Variants in SIK2 observed in about 807,000 individuals in gnomAD.
SIK2 encodes the protein salt inducible kinase 2.
In SIK2, 29 loss-of-function variants were observed where a neutral mutation model predicts 103.2. The observed-to-expected ratio is 0.28, with a 90% confidence interval of 0.21 to 0.38. SIK2 has a LOEUF of 0.38. SIK2 is among the 10% of genes least tolerant of loss of function. The pLI, the probability that SIK2 is intolerant of heterozygous loss-of-function variation, is 1.00. For missense variants in SIK2, 879 were observed against 1,171.0 expected, an observed-to-expected ratio of 0.75 and a Z score of 3.64; for synonymous variants, 412 against 446.1, an observed-to-expected ratio of 0.92 and a Z score of 0.96.
At chr11:111,718,457 C>T (rs890031510) in intron 9 of SIK2, among the ~76,000 whole-genome samples, 1 of 152,220 alleles carries the variant, frequency 6.6e-6, no homozygotes, top group Non-Finnish European at 1.5e-5. Flanking sequence ...GCATTTACCA[C>T]TCTTCCTCTT....
chr11:111,721,088 A>G (rs532077328), intron 12 of SIK2, 26 bp downstream of exon 12: 16 of 1,597,018 alleles, frequency 1.0e-5, no homozygotes, highest in African/African-American at 2.7e-5. Flanking sequence ...CCTTCCCTCA[A>G]TGGCTCTGTG....
In SIK2 at chr11:111,725,680, C is replaced by T. The variant is rs946278550; in HGVS notation, c.*1551C>T. The T allele has an allele frequency of 3.3e-5, 5 of 152,670 alleles. No homozygotes were observed. The highest frequency in any genetic ancestry group is 7.3e-5 in the Non-Finnish European group (5 of 68,050). The allele number at this position is 152,670 out of a possible 1,614,324, so 9.5% of individuals were successfully genotyped here. On this transcript the variant is annotated 3_prime_UTR_variant, in exon 15 of 15. Coordinates refer to ENST00000304987, the MANE Select transcript of SIK2 (RefSeq NM_015191.3). The stretch of plus-strand genomic sequence containing the variant: ...TAACTGATGCTGCATCTAGAAAACA[C>T]CTTTAAGTTGCCTTTCCTCTTTGTA...
chr11:111,723,907 C>A lies in SIK2; in HGVS notation c.2559C>A (p.Ser853Arg). Residue 853 changes from serine to arginine, a missense_variant, in exon 15 of 15, where the codon AGC becomes AGA. Physicochemically the swap from Ser to Arg is moderately radical, Grantham distance 110 (BLOSUM62 -1). Around this residue, in one of 7 missense-constraint regions of SIK2, gnomAD observed 375 missense variants for 416.3 expected, o/e 0.90. Coordinates refer to ENST00000304987, the MANE Select transcript of SIK2 (RefSeq NM_015191.3). ...QFSYQTCELP[S>R]AASPAPDYPT... ...CCTATCAGACTTGTGAGCTGCCAAG[C>A]GCTGCTTCCCCTGCGCCAGACTATC... is the stretch of plus-strand genomic sequence containing the variant. The A allele has an allele frequency of 6.2e-7, 1 of 1,613,646 alleles. No homozygotes were observed. Among genetic ancestry groups the A allele is most frequent in the African/African-American group, 1.3e-5 (1 of 75,006 alleles).
At chr11:111,604,408 A>AT (rs1250295366) in intron 1 of SIK2, among the ~76,000 whole-genome samples, 2 of 152,188 alleles carry the variant, frequency 1.3e-5, no homozygotes, top group South Asian at 2.1e-4. Flanking sequence ...AGTTCTTAAT[A>AT]TTTTTTTCTC....
chr11:111,670,533 C>A (rs1942610965), intron 3 of SIK2, among the ~76,000 whole-genome samples: 1 of 152,030 alleles, frequency 6.6e-6, no homozygotes, highest in South Asian at 2.1e-4. Context: ...TAATGGTCCG[C>A]AAAATATTTG....
At chr11:111,707,316 G>T (rs1943376764) in intron 8 of SIK2, among the ~76,000 whole-genome samples, 2 of 152,148 alleles carry the variant, frequency 1.3e-5, no homozygotes, top group African/African-American at 4.8e-5. Flanking sequence ...TATTGTACAC[G>T]ATATCCTTTC....
Position 111,689,899 on chromosome 11 carries a change from A to AT in SIK2, c.478+1747dup, listed in dbSNP as rs372740657. ...TGGATTTTCCATTCTATAGTCTGTGATTTTTTTTTTCTAATGGGATTGCCT... is the reference window on the plus strand; with the variant it reads ...TGGATTTTCCATTCTATAGTCTGTGATTTTTTTTTTTCTAATGGGATTGCCT... On this transcript the variant is annotated intron_variant, in intron 4 of 14. Coordinates refer to ENST00000304987, the MANE Select transcript of SIK2 (RefSeq NM_015191.3). 2.1e-4 allele frequency among the ~76,000 whole-genome samples: 31 copies of AT among 148,354 alleles called. No homozygotes were observed. The South Asian group carries it at 2.1e-3, about 10-fold the overall frequency.
intron 9 of SIK2, among the ~76,000 whole-genome samples, chr11:111,717,918 G>C (rs972715875): frequency 5.9e-5 from 9 of 152,116 alleles, no homozygotes; most frequent in Non-Finnish European, 1.2e-4. Flanking sequence ...GGGCCTGTTA[G>C]GGGGGCAATG....
chr11:111,680,526 A>G (rs538001599), intron 3 of SIK2, among the ~76,000 whole-genome samples: 1 of 152,366 alleles, frequency 6.6e-6, no homozygotes, highest in East Asian at 1.9e-4. Flanking sequence ...ACATAATATT[A>G]AATATTTAAT....
intron 9 of SIK2, among the ~76,000 whole-genome samples, chr11:111,715,546 G>A (rs2135956997): frequency 6.6e-6 from 1 of 152,198 alleles, no homozygotes; most frequent in Non-Finnish European, 1.5e-5. Flanking sequence ...AAATCCCTTG[G>A]GGAGTCTGAA....
At chr11:111,644,337 C>T (rs956398811) in intron 3 of SIK2, among the ~76,000 whole-genome samples, 4 of 150,416 alleles carry the variant, frequency 2.7e-5, no homozygotes, top group East Asian at 3.9e-4. Context: ...AAGAGAAATC[C>T]GAAATCCTTA....
chr11:111,611,488 A>G (rs1941725915), intron 1 of SIK2, among the ~76,000 whole-genome samples: 2 of 152,164 alleles, frequency 1.3e-5, no homozygotes, highest in African/African-American at 4.8e-5. Flanking sequence ...CTTTATAAAT[A>G]TAATAAGTGA....
At chr11:111,718,867 GGTAAATAATTACCTCCTC>G (rs1943720068) in intron 9 of SIK2, 1 of 152,222 alleles carries the variant, frequency 6.6e-6, no homozygotes, top group Admixed American at 6.5e-5. Flanking sequence ...AAGGTAATGA[GGTAAATAATTACCTCCTC>G]ACAGGGGCCT....
intron 3 of SIK2, among the ~76,000 whole-genome samples, chr11:111,654,978 C>T (rs1376608399): frequency 6.6e-6 from 1 of 152,164 alleles, no homozygotes. Flanking sequence ...TTTCAGAATA[C>T]ATTACAATCA....
chr11:111,648,828 G>C (rs554890921), intron 3 of SIK2, among the ~76,000 whole-genome samples: 24 of 151,892 alleles, frequency 1.6e-4, no homozygotes, highest in Non-Finnish European at 3.4e-4. Context: ...GGAAAAAATA[G>C]GTACTGTATT....
chr11:111,622,726 C>T (rs1038156268), intron 3 of SIK2, among the ~76,000 whole-genome samples: 5 of 151,872 alleles, frequency 3.3e-5, no homozygotes, highest in Non-Finnish European at 5.9e-5. Flanking sequence ...AAATATGTTG[C>T]TTCACTGTCT....
In SIK2 at chr11:111,683,147, C is replaced by T. The variant is rs574110424; in HGVS notation, c.317-4854C>T. The T allele has an allele frequency of 3.9e-5, 6 of 153,904 alleles. No individual in the cohort carries two copies. The East Asian group carries it at 1.2e-3, about 30-fold the overall frequency. 9.5% of individuals were successfully genotyped at this position (153,904 alleles called of 1,614,324 possible). On this transcript the variant is annotated intron_variant, in intron 3 of 14. Coordinates refer to ENST00000304987, the MANE Select transcript of SIK2 (RefSeq NM_015191.3). ...CTATCTGGCTGTGACATCTGTCACC[C>T]CACTGATCGCCAGGGTTGATTTGGC...
rs535296638 is a variant in SIK2, at chr11:111,637,100, G to A, written c.316+16698G>A. Among the ~76,000 whole-genome samples, 4 of 151,922 alleles carry A rather than the reference G, an allele frequency of 2.6e-5. No individual in the cohort carries two copies. The South Asian group carries it at 8.3e-4, about 32-fold the overall frequency. On this transcript the variant is annotated intron_variant, in intron 3 of 14. Transcript: ENST00000304987. ...TTCAGATATTAGGCTTTCTGAACTGGCTTTCTAATTTTCTTTTTTTTCTTT... is the reference window on the plus strand; with the variant it reads ...TTCAGATATTAGGCTTTCTGAACTGACTTTCTAATTTTCTTTTTTTTCTTT...
At chr11:111,628,225 C>T (rs570813368) in intron 3 of SIK2, among the ~76,000 whole-genome samples, 167 of 152,130 alleles carry the variant, frequency 1.1e-3, no homozygotes, top group African/African-American at 3.8e-3. Context: ...ATAAACCAAC[C>T]TTCCTTTCTT....
Sources: allele counts gnomAD v4.1 joint callset (sites outside exome capture counted in the v4.1 genomes callset), GRCh38; gene constraint gnomAD v4.1.1; regional missense constraint gnomAD v4.1.1; transcripts MANE v1.5; gene names NCBI Gene and HGNC (gene_info 2026-07-23, HGNC 2026-07-21).